POTEE: variants seen among roughly 807,000 people sequenced by gnomAD.
The protein encoded by POTEE is ANKRD26-like family C member 1A.
POTEE carries 21 observed loss-of-function variants against 74.2 expected under a neutral mutation model. That is an observed-to-expected ratio of 0.28 (90% CI 0.20 to 0.41). The LOEUF (loss-of-function observed/expected upper bound fraction) is 0.41. POTEE is among the 10% of genes least tolerant of loss of function. The pLI is 1.00. For missense variants in POTEE, 525 were observed against 1,158.6 expected, an observed-to-expected ratio of 0.45 and a Z score of 7.94; for synonymous variants, 211 against 432.8, an observed-to-expected ratio of 0.49 and a Z score of 6.36.
intron 9 of POTEE, among the ~76,000 whole-genome samples, chr2:131,236,272 G>T (rs1701130785): frequency 6.6e-6 from 1 of 152,074 alleles, no homozygotes; most frequent in African/African-American, 2.4e-5. Flanking sequence ...GGGATGTCTG[G>T]AGCCCATACC....
chr2:131,231,807 C>T (rs566840850), intron 9 of POTEE, among the ~76,000 whole-genome samples: 14 of 152,090 alleles, frequency 9.2e-5, no homozygotes, highest in East Asian at 5.8e-4. Context: ...CTAACAAAAA[C>T]GCTAGTATGC....
At chr2:131,222,896 A>G (rs953448819) in intron 4 of POTEE, among the ~76,000 whole-genome samples, 1 of 151,934 alleles carries the variant, frequency 6.6e-6, no homozygotes, top group African/African-American at 2.4e-5. Context: ...CGGACCTGTT[A>G]TAACATATTC....
chr2:131,226,306 A>AT (rs1276706806), intron 6 of POTEE, among the ~76,000 whole-genome samples: 1 of 139,318 alleles, frequency 7.2e-6, no homozygotes, highest in Non-Finnish European at 1.5e-5. Flanking sequence ...TAGATTTTAA[A>AT]TAAATAAATG....
rs1403402878 is a variant in POTEE at position 131,228,110 on chromosome 2, A to C, written c.918-134A>C. Reference sequence around the variant, plus strand: ...ATTTTACAAAGATGAACACTTGAGCACTCAAGATGCTTATGTCTTTTAGTG... The same window carrying C: ...ATTTTACAAAGATGAACACTTGAGCCCTCAAGATGCTTATGTCTTTTAGTG... On this transcript the variant is annotated intron_variant, in intron 7 of 17. Coordinates refer to ENST00000683005, the MANE Select transcript of POTEE (RefSeq NM_001083538.3). 1.5e-4 allele frequency: 217 copies of C among 1,472,080 alleles called. 1 individual carries two copies. Among genetic ancestry groups the C allele is most frequent in the South Asian group, 2.8e-4 (20 of 71,418 alleles). The allele number at this position is 1,472,080 out of a possible 1,614,324, so 91.2% of individuals were successfully genotyped here.
intron 2 of POTEE, among the ~76,000 whole-genome samples, chr2:131,211,557 T>G (rs1176222367): frequency 1.0e-5 from 1 of 99,274 alleles, no homozygotes; most frequent in Non-Finnish European, 2.2e-5. Context: ...TTTTTTTTTT[T>G]TTTTTTTTTT....
chr2:131,211,926 AG>A (rs1261529759), intron 2 of POTEE, among the ~76,000 whole-genome samples: 6 of 151,244 alleles, frequency 4.0e-5, no homozygotes, highest in Admixed American at 6.6e-5. Context: ...AGGGGATAAA[AG>A]GTGTCATAAT....
At position 131,218,723 on chromosome 2, in the gene POTEE, C is replaced by G. The variant is rs368392317; in HGVS notation, c.321C>G (p.Pro107=). The change falls in exon 4 of 18, where the codon CCC becomes CCG. Residue 107 remains proline (P), a synonymous_variant. Coordinates refer to ENST00000683005, the MANE Select transcript of POTEE (RefSeq NM_001083538.3). ...GGAAGTGGTGCTGCCACTGCTTCCC[C>G]TGCTGCAGGGGGAGCGGCAAGAGCA... is the stretch of plus-strand genomic sequence containing the variant. The part of the protein sequence containing the change: ...KMGKWCCHCF[P]CCRGSGKSKV... 28 of 1,575,738 alleles carry G rather than the reference C, an allele frequency of 1.8e-5. No individual in the cohort carries two copies. In the South Asian group the frequency reaches 2.7e-4, roughly 15 times the overall value.
At position 131,264,955 on chromosome 2, in the gene POTEE, G is replaced by C. The variant is rs1490357607; in HGVS notation, c.*272G>C. On this transcript the variant is annotated 3_prime_UTR_variant, in exon 18 of 18. Coordinates refer to ENST00000683005, the MANE Select transcript of POTEE (RefSeq NM_001083538.3). ...CATTCCAAATATTGTGAGACGCATT[G>C]TTTCAGGAAGCCCCTTGCCCTGCTA... 3 of 585,958 alleles carry C rather than the reference G, an allele frequency of 5.1e-6. No homozygotes were observed. Among genetic ancestry groups the C allele is most frequent in the Non-Finnish European group, 9.0e-6 (3 of 332,886 alleles). 36.3% of individuals were successfully genotyped at this position (585,958 alleles called of 1,614,324 possible).
chr2:131,248,495 C>CT (rs1170582047), intron 13 of POTEE, among the ~76,000 whole-genome samples: 1 of 152,162 alleles, frequency 6.6e-6, no homozygotes, highest in Non-Finnish European at 1.5e-5. Flanking sequence ...GCAGGAATGA[C>CT]TAATGTTTTT....
At chr2:131,219,562 G>A (rs559697885) in intron 4 of POTEE, among the ~76,000 whole-genome samples, 8 of 151,988 alleles carry the variant, frequency 5.3e-5, no homozygotes, top group Non-Finnish European at 1.0e-4. Flanking sequence ...GTGAAACCCC[G>A]TCTCTACTAA....
intron 2 of POTEE, among the ~76,000 whole-genome samples, chr2:131,215,424 A>AG (rs1700427237): frequency 6.6e-6 from 1 of 152,090 alleles, no homozygotes; most frequent in South Asian, 2.1e-4. Context: ...GACTCATGAG[A>AG]GAGGGAGTTT....
intron 3 of POTEE, among the ~76,000 whole-genome samples, 42 bp downstream of exon 3, chr2:131,217,725 G>A (rs904441500): frequency 6.6e-6 from 1 of 150,502 alleles, no homozygotes; most frequent in African/African-American, 2.5e-5. Context: ...CACGTGCCCT[G>A]ACGCCACCTG....
intron 7 of POTEE, among the ~76,000 whole-genome samples, chr2:131,227,586 AAAGAG>A (rs1340750073): frequency 5.9e-4 from 70 of 118,350 alleles, no homozygotes; most frequent in South Asian, 1.6e-3. Context: ...CGTGGGTGAT[AAAGAG>A]AAAAGAGCTA....
chr2:131,214,097 CA>C (rs1165318362), intron 2 of POTEE, among the ~76,000 whole-genome samples: 2 of 151,846 alleles, frequency 1.3e-5, no homozygotes, highest in Admixed American at 6.6e-5. Flanking sequence ...TAATTTCTGA[CA>C]ACCTGGGACT....
chr2:131,258,728 A>G (rs1196524483), intron 16 of POTEE, among the ~76,000 whole-genome samples: 31 of 43,264 alleles, frequency 7.2e-4, no homozygotes, highest in Admixed American at 3.4e-4. Context: ...TTGAATTATA[A>G]ATAATGACAT....
intron 8 of POTEE, among the ~76,000 whole-genome samples, chr2:131,230,324 C>A (rs1700911775): frequency 6.6e-6 from 1 of 152,066 alleles, no homozygotes; most frequent in Non-Finnish European, 1.5e-5. Flanking sequence ...ACAAAATATG[C>A]ATTGGGTTTT....
chr2:131,231,795 C>T (rs1321615462), intron 9 of POTEE, among the ~76,000 whole-genome samples: 1 of 152,116 alleles, frequency 6.6e-6, no homozygotes, highest in East Asian at 1.9e-4. Flanking sequence ...AAACGTTTCA[C>T]ACTAACAAAA....
chr2:131,222,385 G>A (rs1360178597), intron 4 of POTEE, among the ~76,000 whole-genome samples: 1 of 151,896 alleles, frequency 6.6e-6, no homozygotes, highest in Non-Finnish European at 1.5e-5. Flanking sequence ...CTAGAGGGAA[G>A]CAGCACACAC....
At chr2:131,225,788 A>G (rs1221800931) in intron 6 of POTEE, among the ~76,000 whole-genome samples, 2 of 151,464 alleles carry the variant, frequency 1.3e-5, no homozygotes, top group South Asian at 2.1e-4. Flanking sequence ...AGCCTCCCCA[A>G]ATGCTAGGAT....
Sources: allele counts gnomAD v4.1 joint callset (sites outside exome capture counted in the v4.1 genomes callset), GRCh38; gene constraint gnomAD v4.1.1; transcripts MANE v1.5; gene names NCBI Gene and HGNC (gene_info 2026-07-23, HGNC 2026-07-21).